The following BLTP3A variants were observed in gnomAD, a reference collection of about 807,000 sequenced individuals.
BLTP3A encodes the protein ICBP90 binding protein 1.
At chr6:34,793,437 T>C in the BLTP3A span, among the ~76,000 whole-genome samples, 9 of 152,224 alleles carry the variant, frequency 5.9e-5, no homozygotes, top group East Asian at 1.3e-3. Context: ...AGGCTTGCAC[T>C]GATGTTTCTT....
At chr6:34,851,678 A>G in the BLTP3A span, among the ~76,000 whole-genome samples, 1 of 152,138 alleles carries the variant, frequency 6.6e-6, no homozygotes, top group Admixed American at 6.5e-5. Flanking sequence ...TGGCAAATCT[A>G]GCCAGGCATG....
At chr6:34,792,368 C>T in the BLTP3A span, 2 of 1,380,484 alleles carry the variant, frequency 1.4e-6, no homozygotes, top group South Asian at 1.4e-5. Context: ...CCTGACGCCG[C>T]GCTCCGGGCC....
chr6:34,794,413 T>G, the BLTP3A span, among the ~76,000 whole-genome samples: 4 of 152,242 alleles, frequency 2.6e-5, no homozygotes, highest in African/African-American at 9.6e-5. Flanking sequence ...ATACACTATG[T>G]GCTCAATAAA....
chr6:34,795,769 C>CT, the BLTP3A span, among the ~76,000 whole-genome samples: 6 of 152,066 alleles, frequency 3.9e-5, no homozygotes, highest in Non-Finnish European at 2.9e-5. Flanking sequence ...AACACAGTGC[C>CT]TTTTTTATTA....
chr6:34,850,498 C>G, the BLTP3A span, among the ~76,000 whole-genome samples: 4 of 152,098 alleles, frequency 2.6e-5, no homozygotes, highest in African/African-American at 9.7e-5. Context: ...CTTAGATTTG[C>G]CCTTTTGAGG....
chr6:34,823,306 C>G, the BLTP3A span: 3 of 1,613,914 alleles, frequency 1.9e-6, no homozygotes, highest in South Asian at 1.1e-5. Flanking sequence ...GATCCTCGGC[C>G]CCCCAATGGA....
chr6:34,855,914 G>C, the BLTP3A span: 1 of 985,196 alleles, frequency 1.0e-6, no homozygotes. Context: ...GAGGAAGTGA[G>C]TAGGGGAGAT....
chr6:34,865,628 T>G, the BLTP3A span, among the ~76,000 whole-genome samples: 1 of 152,376 alleles, frequency 6.6e-6, no homozygotes, highest in African/African-American at 2.4e-5. Context: ...AATGCCCATA[T>G]TAATTTACAT....
chr6:34,841,185 G>A, the BLTP3A span, among the ~76,000 whole-genome samples: 4 of 151,888 alleles, frequency 2.6e-5, no homozygotes, highest in African/African-American at 9.7e-5. Context: ...TCACACCTCA[G>A]CCTCCCGAGT....
At chr6:34,795,616 T>C in the BLTP3A span, among the ~76,000 whole-genome samples, 1 of 144,906 alleles carries the variant, frequency 6.9e-6, no homozygotes, top group African/African-American at 2.6e-5. Context: ...TTAGCCAGGA[T>C]GGTCTCGATC....
the BLTP3A span, among the ~76,000 whole-genome samples, chr6:34,853,496 G>A: frequency 1.3e-5 from 2 of 152,056 alleles, no homozygotes; most frequent in African/African-American, 4.8e-5. Flanking sequence ...GTTCTTGCTA[G>A]GGGAATAATC....
At chr6:34,806,911 C>T in the BLTP3A span, among the ~76,000 whole-genome samples, 4 of 152,162 alleles carry the variant, frequency 2.6e-5, no homozygotes, top group East Asian at 1.9e-4. Context: ...CCACCTGCCT[C>T]GGCCTCCCAA....
the BLTP3A span, among the ~76,000 whole-genome samples, chr6:34,798,594 C>CTTTTTTTTTTTTTTTTTTTTT: frequency 4.7e-4 from 44 of 94,492 alleles, no homozygotes; most frequent in East Asian, 1.2e-3. Flanking sequence ...TTCTTTCTTT[C>CTTTTTTTTTTTTTTTTTTTTT]TTTTTTTTTT....
chr6:34,819,305 T>TC, the BLTP3A span, among the ~76,000 whole-genome samples: 1 of 53,520 alleles, frequency 1.9e-5, no homozygotes, highest in East Asian at 6.3e-4. Context: ...CCCTCCCCCC[T>TC]CCCCCCACCC....
chr6:34,846,588 G>T, the BLTP3A span, among the ~76,000 whole-genome samples: 11 of 152,284 alleles, frequency 7.2e-5, no homozygotes, highest in East Asian at 2.1e-3. Flanking sequence ...ATATTGAAAT[G>T]CTACTGATTT....
chr6:34,845,459 C>T, the BLTP3A span, among the ~76,000 whole-genome samples: 1 of 152,156 alleles, frequency 6.6e-6, no homozygotes, highest in African/African-American at 2.4e-5. Flanking sequence ...TGCTCTGTTG[C>T]CCAGGCTGAA....
chr6:34,809,546 G>A, the BLTP3A span, among the ~76,000 whole-genome samples: 1 of 151,986 alleles, frequency 6.6e-6, no homozygotes, highest in African/African-American at 2.4e-5. Context: ...CCCCAAAAAC[G>A]TTTTTTGTTT....
the BLTP3A span, among the ~76,000 whole-genome samples, chr6:34,795,525 G>A: frequency 6.6e-6 from 1 of 150,708 alleles, no homozygotes; most frequent in Non-Finnish European, 1.5e-5. Flanking sequence ...GCCCTCCCAA[G>A]TAGCTGGGAC....
chr6:34,824,661 T>C, the BLTP3A span, among the ~76,000 whole-genome samples: 12 of 151,796 alleles, frequency 7.9e-5, no homozygotes, highest in African/African-American at 2.7e-4. Flanking sequence ...ATATATGTAT[T>C]TTTTTCTTTT....
Sources: allele counts gnomAD v4.1 joint callset (sites outside exome capture counted in the v4.1 genomes callset), GRCh38; gene constraint gnomAD v4.1.1; transcripts MANE v1.5; gene names NCBI Gene and HGNC (gene_info 2026-07-23, HGNC 2026-07-21).